The following TSPAN13 variants were observed in gnomAD, a reference collection of about 807,000 sequenced individuals.
The protein encoded by TSPAN13 is tetraspanin-13.
A neutral mutation model predicts 26.9 loss-of-function variants in TSPAN13; 18 were observed. The observed-to-expected ratio is 0.67, with a 90% CI of 0.46 to 0.99. The LOEUF (loss-of-function observed/expected upper bound fraction) is 0.99, where lower values mean the gene tolerates loss of function less well. Among genes scored for constraint, TSPAN13 ranks in the 50% least tolerant of loss-of-function variants. The pLI is 0.00. For missense variants in TSPAN13, 201 were observed against 249.6 expected, an observed-to-expected ratio of 0.81 and a Z score of 1.31; for synonymous variants, 116 against 98.4, an observed-to-expected ratio of 1.18 and a Z score of -1.06.
At chr7:16,768,011 C>T (rs1583790049) in intron 1 of TSPAN13, among the ~76,000 whole-genome samples, 1 of 152,284 alleles carries the variant, frequency 6.6e-6, no homozygotes, top group Middle Eastern at 3.4e-3. Flanking sequence ...CTCCCAGGTT[C>T]AAGCGATTCT....
intron 1 of TSPAN13, among the ~76,000 whole-genome samples, chr7:16,755,483 C>G (rs892479552): frequency 2.6e-5 from 4 of 151,326 alleles, no homozygotes; most frequent in African/African-American, 9.7e-5. Context: ...CTGTATCACC[C>G]TGAGGTATGC....
rs1583785395 is a variant in TSPAN13, at chr7:16,757,865, C to G, written c.63+3835C>G. ...TTTGTATTTTTGAGATGGAGTTTCA[C>G]TCTCGTTGCCCAGGCTGGAGTGCAA... is the stretch of plus-strand genomic sequence containing the variant. On this transcript the variant is annotated intron_variant, in intron 1 of 5. Coordinates refer to ENST00000262067, the MANE Select transcript of TSPAN13 (RefSeq NM_014399.4). Among the ~76,000 whole-genome samples the G allele has an allele frequency of 2.0e-5, 3 of 152,218 alleles. No individual in the cohort carries two copies. In the South Asian group the frequency reaches 6.2e-4, roughly 32 times the overall value.
chr7:16,782,504 A>AGC (rs1784824403), intron 5 of TSPAN13, among the ~76,000 whole-genome samples: 1 of 152,264 alleles, frequency 6.6e-6, no homozygotes, highest in Non-Finnish European at 1.5e-5. Flanking sequence ...CTAAAGAGTT[A>AGC]CAATTTTCAT....
chr7:16,769,136 G>T (rs552260265), intron 1 of TSPAN13, among the ~76,000 whole-genome samples: 1 of 152,100 alleles, frequency 6.6e-6, no homozygotes, highest in South Asian at 2.1e-4. Context: ...ATTATAATAG[G>T]TTCTGATATT....
At chr7:16,778,908 ATACTCT>A (rs1287073532) in intron 4 of TSPAN13, 89 bp from the exon 5 acceptor site, 2 of 868,378 alleles carry the variant, frequency 2.3e-6, no homozygotes, top group East Asian at 2.7e-5. Context: ...ATTGGATATA[ATACTCT>A]TAGACACTAA....
chr7:16,774,566 A>G (rs1055708376), intron 1 of TSPAN13, among the ~76,000 whole-genome samples: 1 of 152,214 alleles, frequency 6.6e-6, no homozygotes, highest in African/African-American at 2.4e-5. Flanking sequence ...TTCTCAGTCC[A>G]AGACTGTTTG....
At chr7:16,754,216 A>T (rs995827082) in intron 1 of TSPAN13, among the ~76,000 whole-genome samples, 186 bp downstream of exon 1, 1 of 152,088 alleles carries the variant, frequency 6.6e-6, no homozygotes, top group African/African-American at 2.4e-5. Context: ...CGCTTGTCGC[A>T]GTCTCTTCCT....
intron 5 of TSPAN13, among the ~76,000 whole-genome samples, chr7:16,779,787 T>TC (rs1421990288): frequency 6.6e-6 from 1 of 151,450 alleles, no homozygotes. Context: ...TTTTTTTTTT[T>TC]TTGAGATGGA....
intron 1 of TSPAN13, among the ~76,000 whole-genome samples, chr7:16,762,805 A>G (rs1784559179): frequency 6.6e-6 from 1 of 152,110 alleles, no homozygotes. Flanking sequence ...GGTACCATGA[A>G]TTGTTCCAGG....
intron 1 of TSPAN13, chr7:16,775,708 A>T (rs1784734558): frequency 6.6e-6 from 1 of 152,556 alleles, no homozygotes; most frequent in South Asian, 2.1e-4. Flanking sequence ...GAACAAGAGA[A>T]CCGTGTTCCA....
chr7:16,764,072 C>T (rs1187508420), intron 1 of TSPAN13, among the ~76,000 whole-genome samples: 1 of 152,060 alleles, frequency 6.6e-6, no homozygotes, highest in Non-Finnish European at 1.5e-5. Flanking sequence ...GGCTGGAGTA[C>T]AGTGGCGCAG....
At chr7:16,772,165 G>C (rs1407013273) in intron 1 of TSPAN13, among the ~76,000 whole-genome samples, 1 of 152,184 alleles carries the variant, frequency 6.6e-6, no homozygotes, top group African/African-American at 2.4e-5. Flanking sequence ...CGATGATGCA[G>C]ATAATGTATT....
chr7:16,778,094 A>G (rs561383498), intron 4 of TSPAN13, among the ~76,000 whole-genome samples, 183 bp downstream of exon 4: 1 of 152,244 alleles, frequency 6.6e-6, no homozygotes, highest in Non-Finnish European at 1.5e-5. Context: ...CACTCCAGAG[A>G]GTGTTGAGAA....
intron 4 of TSPAN13, among the ~76,000 whole-genome samples, chr7:16,778,692 A>G (rs1002001758): frequency 1.3e-5 from 2 of 152,212 alleles, no homozygotes; most frequent in Admixed American, 6.5e-5. Context: ...GAATCTCTCC[A>G]TTCTGTTAAG....
chr7:16,758,541 C>T (rs1784507810), intron 1 of TSPAN13, among the ~76,000 whole-genome samples: 1 of 152,158 alleles, frequency 6.6e-6, no homozygotes, highest in African/African-American at 2.4e-5. Flanking sequence ...CTTCTTCTTT[C>T]CAGCTATTCT....
rs557452624 is a variant in TSPAN13 at position 16,774,448 on chromosome 7, C to T, written c.64-1763C>T. On this transcript the variant is annotated intron_variant, in intron 1 of 5. Coordinates refer to ENST00000262067, the MANE Select transcript of TSPAN13 (RefSeq NM_014399.4). ...CATCATCCAGCACTCCTTCTTCCTTCGCACCTCCTTCAGGCTTCTGTCTTT... is the reference window on the plus strand; with the variant it reads ...CATCATCCAGCACTCCTTCTTCCTTTGCACCTCCTTCAGGCTTCTGTCTTT... Among the ~76,000 whole-genome samples, 168 of 152,282 alleles carry T rather than the reference C, an allele frequency of 1.1e-3. 2 individuals carry two copies. Among genetic ancestry groups the T allele is most frequent in the South Asian group, 4.8e-3 (23 of 4,820 alleles).
intron 1 of TSPAN13, among the ~76,000 whole-genome samples, chr7:16,770,710 G>T (rs1165787993): frequency 6.6e-6 from 1 of 151,966 alleles, no homozygotes. Flanking sequence ...AATCCTGTAA[G>T]GGCTGGGATT....
chr7:16,757,359 CTT>C (rs1485457937), intron 1 of TSPAN13, among the ~76,000 whole-genome samples: 7 of 151,952 alleles, frequency 4.6e-5, no homozygotes, highest in Non-Finnish European at 5.9e-5. Context: ...GTGAAAAAAA[CTT>C]TTGAAAATTA....
At chr7:16,762,799 C>A (rs1207893074) in intron 1 of TSPAN13, among the ~76,000 whole-genome samples, 1 of 152,064 alleles carries the variant, frequency 6.6e-6, no homozygotes, top group Non-Finnish European at 1.5e-5. Flanking sequence ...ACTCTAGGTA[C>A]CATGAATTGT....
Sources: gnomAD v4.1 joint callset for allele counts (sites outside exome capture counted in the v4.1 genomes callset) on GRCh38, gnomAD v4.1.1 for gene constraint, MANE v1.5 for transcripts, NCBI Gene and HGNC (gene_info 2026-07-23, HGNC 2026-07-21) for gene names.